Variants in COA1 observed in about 807,000 individuals in gnomAD.
The protein encoded by COA1 is cytochrome c oxidase assembly factor 1 homolog.
Under a neutral mutation model 16.0 loss-of-function variants are expected in COA1, and 13 were observed. The observed-to-expected ratio is 0.81, with a 90% confidence interval of 0.53 to 1.29. The LOEUF (loss-of-function observed/expected upper bound fraction) is 1.29, where lower values mean the gene tolerates loss of function less well. COA1 is among the 50% of genes most tolerant of loss of function. COA1 has a pLI of 0.00. For missense variants in COA1, 179 were observed against 177.0 expected, an observed-to-expected ratio of 1.01 and a Z score of -0.06; for synonymous variants, 65 against 65.7, an observed-to-expected ratio of 0.99 and a Z score of 0.05.
chr7:43,691,338 AGAGAGGGAGGGAGGGAGG>A (rs1563382993), intron 1 of COA1, among the ~76,000 whole-genome samples: 3 of 36,478 alleles, frequency 8.2e-5, no homozygotes, highest in Non-Finnish European at 1.5e-4. Flanking sequence ...AGAGAAAGAG[AGAGAGGGAGGGAGGGAGG>A]GAGGGAGGGA....
At chr7:43,697,158 C>T (rs774711857) in intron 1 of COA1, among the ~76,000 whole-genome samples, 1 of 151,688 alleles carries the variant, frequency 6.6e-6, no homozygotes, top group Non-Finnish European at 1.5e-5. Flanking sequence ...AAAAGAAAAG[C>T]CTGGCAAATA....
intron 2 of COA1, 61 bp downstream of exon 2, chr7:43,648,539 C>A (rs778633137): frequency 6.4e-7 from 1 of 1,573,342 alleles, no homozygotes; most frequent in Non-Finnish European, 8.7e-7. Context: ...CTTCTATTGT[C>A]TAACTCGAGA....
At chr7:43,620,974 G>A (rs953116164) in intron 6 of COA1, among the ~76,000 whole-genome samples, 1 of 152,110 alleles carries the variant, frequency 6.6e-6, no homozygotes, top group South Asian at 2.1e-4. Flanking sequence ...TAGAAGAGGG[G>A]GAATGAAGAG....
At chr7:43,632,803 C>G (rs1248434235) in intron 6 of COA1, 1 of 152,202 alleles carries the variant, frequency 6.6e-6, no homozygotes, top group Non-Finnish European at 1.5e-5. Flanking sequence ...CCCGCCCCAG[C>G]CTCCCAAAGT....
At chr7:43,622,990 T>C (rs1163090384) in intron 6 of COA1, 1 of 152,440 alleles carries the variant, frequency 6.6e-6, no homozygotes, top group Non-Finnish European at 1.5e-5. Context: ...CCTCAAAGCA[T>C]ATTATTTTTC....
intron 1 of COA1, among the ~76,000 whole-genome samples, chr7:43,685,059 GGA>G (rs2093956156): frequency 6.6e-6 from 1 of 150,510 alleles, no homozygotes; most frequent in Non-Finnish European, 1.5e-5. Context: ...CGAGGCAGAA[GGA>G]TCACTTGAGC....
At chr7:43,671,952 C>T (rs1184436539) in intron 1 of COA1, among the ~76,000 whole-genome samples, 2 of 152,134 alleles carry the variant, frequency 1.3e-5, no homozygotes, top group Admixed American at 1.3e-4. Context: ...TAAATGAAAC[C>T]TCTTTTCTTT....
chr7:43,644,246 A>C (rs2088062513), intron 4 of COA1, among the ~76,000 whole-genome samples: 1 of 152,202 alleles, frequency 6.6e-6, no homozygotes, highest in Non-Finnish European at 1.5e-5. Context: ...TGTCTTACTC[A>C]GGAATTTTCA....
At chr7:43,691,567 CAT>C (rs2094370417) in intron 1 of COA1, among the ~76,000 whole-genome samples, 2 of 152,162 alleles carry the variant, frequency 1.3e-5, no homozygotes, top group African/African-American at 4.8e-5. Context: ...GTAGCTCTAA[CAT>C]ATAGTCTGCT....
At chr7:43,714,474 CA>C (rs1299071027) in intron 1 of COA1, among the ~76,000 whole-genome samples, 4 of 149,992 alleles carry the variant, frequency 2.7e-5, no homozygotes, top group African/African-American at 9.8e-5. Context: ...CTAAGAAATA[CA>C]AAAATTAGCC....
At chr7:43,624,838 A>T in intron 6 of COA1, 6 of 1,595,506 alleles carry the variant, frequency 3.8e-6, no homozygotes, top group Non-Finnish European at 5.1e-6. Flanking sequence ...GAATTTATCT[A>T]CTGAGCAATA....
chr7:43,675,276 T>C (rs1445000448), intron 1 of COA1, among the ~76,000 whole-genome samples: 6 of 152,200 alleles, frequency 3.9e-5, no homozygotes, highest in African/African-American at 1.4e-4. Flanking sequence ...TTCATGTCCT[T>C]TGTAGGGACA....
chr7:43,703,328 T>C (rs1055762730), intron 1 of COA1, among the ~76,000 whole-genome samples: 1 of 152,186 alleles, frequency 6.6e-6, no homozygotes, highest in African/African-American at 2.4e-5. Flanking sequence ...GGGTGAAGTA[T>C]TCTGTAGATG....
chr7:43,669,129 C>T (rs895483566), intron 1 of COA1, among the ~76,000 whole-genome samples: 18 of 152,176 alleles, frequency 1.2e-4, no homozygotes, highest in African/African-American at 3.6e-4. Context: ...CCATTCGATG[C>T]CCCTTCTCAG....
intron 1 of COA1, among the ~76,000 whole-genome samples, chr7:43,718,037 T>G (rs562443295): frequency 1.3e-5 from 2 of 152,326 alleles, no homozygotes; most frequent in East Asian, 3.9e-4. Context: ...TTGCCCAGTC[T>G]CAGGTATGTC....
chr7:43,721,814 A>G (rs949513642), intron 1 of COA1, among the ~76,000 whole-genome samples: 11 of 152,090 alleles, frequency 7.2e-5, no homozygotes, highest in Non-Finnish European at 4.4e-5. Context: ...GAATACAAAT[A>G]CTCAGTACCA....
intron 6 of COA1, among the ~76,000 whole-genome samples, chr7:43,618,512 G>A (rs2083556305): frequency 6.6e-6 from 1 of 152,182 alleles, no homozygotes; most frequent in Non-Finnish European, 1.5e-5. Context: ...GGGTGTTAGA[G>A]TGAAGTATTT....
intron 1 of COA1, chr7:43,655,904 G>T (rs1039134928): frequency 6.6e-6 from 1 of 152,162 alleles, no homozygotes; most frequent in African/African-American, 2.4e-5. Context: ...TGGTTATCCT[G>T]CTAGTGGGGT....
At chr7:43,667,932 C>T (rs1468997674) in intron 1 of COA1, among the ~76,000 whole-genome samples, 2 of 152,164 alleles carry the variant, frequency 1.3e-5, no homozygotes, top group South Asian at 2.1e-4. Context: ...TTTTTCTCTG[C>T]CTGGTTCCTC....
Sources: gnomAD v4.1 joint callset for allele counts (sites outside exome capture counted in the v4.1 genomes callset) on GRCh38, gnomAD v4.1.1 for gene constraint, MANE v1.5 for transcripts, NCBI Gene and HGNC (gene_info 2026-07-23, HGNC 2026-07-21) for gene names.